The following ADAMTSL1 variants were observed in gnomAD, a reference collection of about 807,000 sequenced individuals.
ADAMTSL1 encodes ADAMTS-like protein 1.
Under a neutral mutation model 201.8 loss-of-function variants are expected in ADAMTSL1, and 126 were observed. The ratio of observed to expected loss-of-function variants is 0.62; its 90% CI spans 0.54 to 0.72. ADAMTSL1 has a LOEUF of 0.72. ADAMTSL1 is among the 30% of genes least tolerant of loss of function. The pLI is 0.00. For missense variants in ADAMTSL1, 2,679 were observed against 2,277.8 expected, an observed-to-expected ratio of 1.18 and a Z score of -3.59; for synonymous variants, 1,121 against 903.4, an observed-to-expected ratio of 1.24 and a Z score of -4.32.
chr9:17,993,943 T>C (rs954567993), intron 1 of ADAMTSL1, among the ~76,000 whole-genome samples: 5 of 152,128 alleles, frequency 3.3e-5, no homozygotes, highest in Admixed American at 3.3e-4. Flanking sequence ...TTTATCTTTG[T>C]CTATGTTTTG....
intron 1 of ADAMTSL1, among the ~76,000 whole-genome samples, chr9:18,074,195 T>C (rs188378465): frequency 1.3e-5 from 2 of 152,322 alleles, no homozygotes; most frequent in South Asian, 2.1e-4. Context: ...TCTGCTTTAA[T>C]GACAGGCAAG....
At chr9:18,085,790 C>T (rs966815549) in intron 1 of ADAMTSL1, among the ~76,000 whole-genome samples, 2 of 151,238 alleles carry the variant, frequency 1.3e-5, no homozygotes, top group African/African-American at 4.9e-5. Flanking sequence ...TACACACACA[C>T]ACACATGCAC....
At chr9:18,190,897 C>T (rs1828942946) in intron 2 of ADAMTSL1, among the ~76,000 whole-genome samples, 2 of 152,232 alleles carry the variant, frequency 1.3e-5, no homozygotes, top group South Asian at 4.1e-4. Context: ...GTGGGTTTTG[C>T]TCCATCGTAC....
intron 19 of ADAMTSL1, among the ~76,000 whole-genome samples, chr9:18,783,708 T>C (rs972510936): frequency 1.3e-5 from 2 of 152,192 alleles, no homozygotes; most frequent in African/African-American, 4.8e-5. Flanking sequence ...GTGGTAGAGC[T>C]GGGATTTGAA....
At chr9:18,199,298 G>T (rs529475679) in intron 2 of ADAMTSL1, among the ~76,000 whole-genome samples, 1 of 151,922 alleles carries the variant, frequency 6.6e-6, no homozygotes, top group Non-Finnish European at 1.5e-5. Context: ...TTCTCTGTTA[G>T]GATAGTCTCA....
chr9:18,373,125 C>A (rs1412688495), intron 2 of ADAMTSL1, among the ~76,000 whole-genome samples: 1 of 152,112 alleles, frequency 6.6e-6, no homozygotes, highest in African/African-American at 2.4e-5. Flanking sequence ...GAGTCTATTC[C>A]CATCCAACTC....
chr9:18,231,416 G>T (rs1285937076), intron 2 of ADAMTSL1, among the ~76,000 whole-genome samples: 2 of 152,140 alleles, frequency 1.3e-5, no homozygotes, highest in Non-Finnish European at 2.9e-5. Flanking sequence ...GCACTTGACA[G>T]GTTGACCAAC....
chr9:17,977,730 G>C (rs1246116039), intron 1 of ADAMTSL1, among the ~76,000 whole-genome samples: 1 of 151,760 alleles, frequency 6.6e-6, no homozygotes, highest in Non-Finnish European at 1.5e-5. Flanking sequence ...AATCTATTCT[G>C]CAGAAGGTTT....
At chr9:18,712,345 T>C (rs1433542091) in intron 14 of ADAMTSL1, among the ~76,000 whole-genome samples, 1 of 151,946 alleles carries the variant, frequency 6.6e-6, no homozygotes, top group Admixed American at 6.5e-5. Context: ...AGTTGAAAAC[T>C]TTGAAAAAAG....
rs150469783 is a variant in ADAMTSL1, at chr9:18,498,310, T to C, written c.64-6519T>C. ...GTTCTCTCTGTTAATCACCATATTATGAGAAGTATCAATGTTCCCCCCACC... is the reference window on the plus strand; with the variant it reads ...GTTCTCTCTGTTAATCACCATATTACGAGAAGTATCAATGTTCCCCCCACC... On this transcript the variant is annotated intron_variant, in intron 1 of 28. Coordinates refer to ENST00000380548, the MANE Select transcript of ADAMTSL1 (RefSeq NM_001040272.6). 3.4e-3 allele frequency among the ~76,000 whole-genome samples: 508 copies of C among 151,526 alleles called. 5 individuals are homozygous for C. Among genetic ancestry groups the C allele is most frequent in the Middle Eastern group, 6.9e-3 (2 of 288 alleles).
intron 9 of ADAMTSL1, among the ~76,000 whole-genome samples, chr9:18,667,340 C>G (rs1829509761): frequency 6.6e-6 from 1 of 150,556 alleles, no homozygotes; most frequent in Non-Finnish European, 1.5e-5. Context: ...TGTATTAGAA[C>G]AAGTGTTATG....
chr9:18,762,242 T>C (rs1820112611), intron 16 of ADAMTSL1, among the ~76,000 whole-genome samples: 1 of 152,130 alleles, frequency 6.6e-6, no homozygotes, highest in African/African-American at 2.4e-5. Context: ...CAATGAGCCC[T>C]TATAGAAGAG....
At chr9:17,952,119 CTTTT>C (rs541405219) in intron 1 of ADAMTSL1, among the ~76,000 whole-genome samples, 2 of 139,694 alleles carry the variant, frequency 1.4e-5, no homozygotes, top group East Asian at 2.0e-4. Context: ...TTCTTTCTTT[CTTTT>C]TTTTTTTTTT....
intron 2 of ADAMTSL1, among the ~76,000 whole-genome samples, chr9:18,404,213 TA>T (rs1194350051): frequency 2.0e-5 from 3 of 152,226 alleles, no homozygotes; most frequent in African/African-American, 7.2e-5. Flanking sequence ...TATGCTTTTT[TA>T]AAGTTATTTT....
chr9:18,698,277 G>C (rs1416725328), intron 13 of ADAMTSL1, among the ~76,000 whole-genome samples: 1 of 152,016 alleles, frequency 6.6e-6, no homozygotes, highest in East Asian at 1.9e-4. Flanking sequence ...CTGAGGCACT[G>C]CAATATTTTA....
intron 1 of ADAMTSL1, among the ~76,000 whole-genome samples, chr9:18,042,885 C>A (rs1384134804): frequency 6.6e-6 from 1 of 152,026 alleles, no homozygotes; most frequent in Non-Finnish European, 1.5e-5. Context: ...ATTGTCAAGA[C>A]CTCTGCTTTA....
intron 4 of ADAMTSL1, among the ~76,000 whole-genome samples, chr9:18,583,152 A>G (rs1225261391): frequency 6.6e-6 from 1 of 152,150 alleles, no homozygotes; most frequent in Non-Finnish European, 1.5e-5. Context: ...GAAAATATGG[A>G]AGCAACTTTG....
At chr9:18,416,047 C>T (rs926615871) in intron 2 of ADAMTSL1, among the ~76,000 whole-genome samples, 4 of 152,064 alleles carry the variant, frequency 2.6e-5, no homozygotes, top group Admixed American at 2.6e-4. Flanking sequence ...AAGAAATCTT[C>T]AAGGAAATCC....
chr9:18,131,745 A>T (rs993391595), intron 1 of ADAMTSL1, among the ~76,000 whole-genome samples: 3 of 151,666 alleles, frequency 2.0e-5, no homozygotes, highest in Admixed American at 6.6e-5. Flanking sequence ...CTAGGTGATG[A>T]CTCCCGAATA....
Sources: allele counts gnomAD v4.1 joint callset (sites outside exome capture counted in the v4.1 genomes callset), GRCh38; gene constraint gnomAD v4.1.1; transcripts MANE v1.5; gene names NCBI Gene and HGNC (gene_info 2026-07-23, HGNC 2026-07-21).